The following PREX1 variants were observed in gnomAD, a reference collection of about 807,000 sequenced individuals.
PREX1 encodes phosphatidylinositol-3,4,5-trisphosphate dependent Rac exchange factor 1.
Under a neutral mutation model 198.3 loss-of-function variants are expected in PREX1, and 41 were observed. That is an observed-to-expected ratio of 0.21 (90% CI 0.16 to 0.27). PREX1 has a LOEUF of 0.27. Ranked by LOEUF, PREX1 falls within the 10% of genes least tolerant of loss-of-function variation. The pLI, the probability that PREX1 is intolerant of heterozygous loss-of-function variation, is 1.00. For synonymous variants in PREX1, 843 were observed against 887.2 expected, an observed-to-expected ratio of 0.95 and a Z score of 0.89; for missense variants, 1,620 against 2,200.7, an observed-to-expected ratio of 0.74 and a Z score of 5.28.
intron 1 of PREX1, among the ~76,000 whole-genome samples, chr20:48,753,864 C>G (rs1359935223): frequency 6.6e-6 from 1 of 152,360 alleles, no homozygotes; most frequent in African/African-American, 2.4e-5. Flanking sequence ...ACTACATAGC[C>G]ACCTGAACCC....
intron 1 of PREX1, among the ~76,000 whole-genome samples, chr20:48,812,580 G>C (rs546114895): frequency 6.6e-6 from 1 of 152,098 alleles, no homozygotes; most frequent in South Asian, 2.1e-4. Context: ...ATTCTTATAA[G>C]TATAGCTAAT....
intron 32 of PREX1, among the ~76,000 whole-genome samples, chr20:48,635,544 C>T (rs2089355495): frequency 6.6e-6 from 1 of 152,192 alleles, no homozygotes; most frequent in Admixed American, 6.5e-5. Flanking sequence ...CTCTTCGGGG[C>T]CTTTGTACAT....
At chr20:48,693,446 C>T (rs1968109716) in intron 7 of PREX1, among the ~76,000 whole-genome samples, 1 of 152,166 alleles carries the variant, frequency 6.6e-6, no homozygotes, top group African/African-American at 2.4e-5. Context: ...AGAGCTGGCT[C>T]GCCTCTTCCA....
At chr20:48,772,325 G>A (rs973087808) in intron 1 of PREX1, among the ~76,000 whole-genome samples, 9 of 152,258 alleles carry the variant, frequency 5.9e-5, no homozygotes, top group African/African-American at 2.2e-4. Flanking sequence ...GTATGGCCCT[G>A]CAGGGTGCCC....
the PREX1 span, among the ~76,000 whole-genome samples, chr20:48,855,541 G>T: frequency 6.6e-6 from 1 of 152,142 alleles, no homozygotes; most frequent in African/African-American, 2.4e-5. Context: ...ACACAGCACC[G>T]AACAAGGCAG....
At chr20:48,837,017 T>C in the PREX1 span, among the ~76,000 whole-genome samples, 5 of 151,912 alleles carry the variant, frequency 3.3e-5, no homozygotes, top group Non-Finnish European at 7.4e-5. Context: ...AAGGAGTTCC[T>C]TCCCCCACCA....
chr20:48,688,580 T>C, intron 10 of PREX1, 77 bp downstream of exon 10: 2 of 1,582,468 alleles, frequency 1.3e-6, no homozygotes, highest in South Asian at 1.1e-5. Context: ...CCAGGCTGCA[T>C]GGGTGGATGG....
At chr20:48,865,188 C>G in the PREX1 span, among the ~76,000 whole-genome samples, 26,267 of 152,046 alleles carry the variant, frequency 0.17, 2,321 homozygotes, top group Non-Finnish European at 0.19. Context: ...GAGCAGTTTT[C>G]TAAAACAATT....
rs1336007490 is a variant in PREX1 at position 48,684,813 on chromosome 20, G to A, written c.1335-3478C>T. ...ATCTCCTGCCCCTCTGACCACTCAGGCTCCAGCCACAATGGCCTCCTCCTG... is the reference window on the plus strand; with the variant it reads ...ATCTCCTGCCCCTCTGACCACTCAGACTCCAGCCACAATGGCCTCCTCCTG... On this transcript the variant is annotated intron_variant, in intron 10 of 39. Transcript: ENST00000371941. This position sits in a 1 kb window ranked among gnomAD's most constrained non-coding sequence, Gnocchi z 4.2. Among the ~76,000 whole-genome samples the A allele has an allele frequency of 1.3e-5, 2 of 152,094 alleles. No homozygotes were observed. The highest frequency in any genetic ancestry group is 2.9e-5 in the Non-Finnish European group (2 of 68,022).
At chr20:48,782,383 G>A (rs1205991877) in intron 1 of PREX1, among the ~76,000 whole-genome samples, 1 of 152,114 alleles carries the variant, frequency 6.6e-6, no homozygotes, top group African/African-American at 2.4e-5. Flanking sequence ...GCCCACCTAA[G>A]ATATGCCTTT....
intron 1 of PREX1, among the ~76,000 whole-genome samples, chr20:48,777,687 C>A (rs1378954155): frequency 4.6e-5 from 7 of 152,110 alleles, no homozygotes; most frequent in African/African-American, 7.2e-5. Context: ...TGGCTTGGGG[C>A]CGGCAGCTGT....
At chr20:48,719,428 G>A (rs1019335497) in intron 5 of PREX1, among the ~76,000 whole-genome samples, 2 of 152,200 alleles carry the variant, frequency 1.3e-5, no homozygotes, top group Admixed American at 6.5e-5. Context: ...GTTGGTGCTC[G>A]GCCCGAGAGA....
chr20:48,767,877 A>G (rs532361523), intron 1 of PREX1, among the ~76,000 whole-genome samples: 92 of 152,144 alleles, frequency 6.0e-4, no homozygotes, highest in African/African-American at 2.1e-3. Flanking sequence ...GCCTCACCCA[A>G]GCCACAAGTC....
chr20:48,734,560 G>A lies in PREX1; in HGVS notation c.505C>T (p.Arg169Cys). Residue 169 changes from arginine (R) to cysteine (C), a missense_variant, in exon 4 of 40, where the codon CGC becomes TGC. By Grantham distance (180) the Arg-to-Cys change is radical. Transcript: ENST00000371941. ...LVELNKIPTV[R>C]AFLLSCMLLG... ...GGTCAACTTACCAAAAGGAAGGCGCGCACGGTAGGGATCTTGTTCAGCTCC... is the reference window on the plus strand; with the variant it reads ...GGTCAACTTACCAAAAGGAAGGCGCACACGGTAGGGATCTTGTTCAGCTCC... 6.2e-7 allele frequency: 1 copy of A among 1,613,960 alleles called. No individual in the cohort carries two copies. The highest frequency in any genetic ancestry group is 8.5e-7 in the Non-Finnish European group (1 of 1,179,856).
At chr20:48,701,912 A>C (rs2123070419) in intron 6 of PREX1, among the ~76,000 whole-genome samples, 1 of 152,302 alleles carries the variant, frequency 6.6e-6, no homozygotes, top group South Asian at 2.1e-4. Context: ...ACCTTGGAAG[A>C]CAAAAATTAA....
At chr20:48,873,577 C>T in the PREX1 span, among the ~76,000 whole-genome samples, 2 of 145,062 alleles carry the variant, frequency 1.4e-5, no homozygotes, top group Non-Finnish European at 3.0e-5. Context: ...AAAAAAAAGC[C>T]GGTATGGTGG....
At chr20:48,774,792 C>T (rs779790445) in intron 1 of PREX1, among the ~76,000 whole-genome samples, 2 of 152,270 alleles carry the variant, frequency 1.3e-5, no homozygotes, top group Non-Finnish European at 2.9e-5. Context: ...AATCTCCGGC[C>T]CCTCCGCTGC....
chr20:48,681,426 T>G (rs879894966), intron 10 of PREX1, 91 bp from the exon 11 acceptor site: 34 of 1,238,172 alleles, frequency 2.7e-5, no homozygotes, highest in Non-Finnish European at 3.0e-5. Flanking sequence ...CATCCACCCC[T>G]GGGAATGACA....
At chr20:48,838,189 G>A in the PREX1 span, among the ~76,000 whole-genome samples, 1 of 152,188 alleles carries the variant, frequency 6.6e-6, no homozygotes. Flanking sequence ...GGCTGGAAAC[G>A]TTCTATTTCC....
Sources: allele counts gnomAD v4.1 joint callset (sites outside exome capture counted in the v4.1 genomes callset), GRCh38; gene constraint gnomAD v4.1.1; non-coding constraint Gnocchi (gnomAD v3.1); transcripts MANE v1.5; gene names NCBI Gene and HGNC (gene_info 2026-07-23, HGNC 2026-07-21).